Variants in MEGF11 observed in about 807,000 individuals in gnomAD.
The protein encoded by MEGF11 is multiple epidermal growth factor-like domains protein 11.
MEGF11 carries 126 observed loss-of-function variants against 146.6 expected under a neutral mutation model. The observed-to-expected ratio is 0.86, with a 90% CI of 0.74 to 1.00. MEGF11 has a LOEUF of 1.00. Among genes scored for constraint, MEGF11 ranks in the 50% least tolerant of loss-of-function variants. The pLI is 0.00. For missense variants in MEGF11, 1,509 were observed against 1,521.2 expected (o/e 0.99, Z 0.13); for synonymous variants, 532 against 583.4 (o/e 0.91, Z 1.27).
chr15:66,122,809 C>T (rs1031959029), intron 3 of MEGF11, among the ~76,000 whole-genome samples: 1 of 151,984 alleles, frequency 6.6e-6, no homozygotes, highest in Non-Finnish European at 1.5e-5. Flanking sequence ...GAGAGAGTCT[C>T]GCTCTGTCGC....
chr15:65,992,042 A>G (rs1256194461), intron 5 of MEGF11, among the ~76,000 whole-genome samples: 2 of 152,220 alleles, frequency 1.3e-5, no homozygotes, highest in African/African-American at 4.8e-5. Flanking sequence ...CTCCACTGTC[A>G]GGCTAGAGAC....
At chr15:66,219,604 T>C (rs1003417006) in intron 1 of MEGF11, among the ~76,000 whole-genome samples, 1 of 152,130 alleles carries the variant, frequency 6.6e-6, no homozygotes, top group Non-Finnish European at 1.5e-5. Flanking sequence ...ACTCATACAT[T>C]GCTGATGGGA....
rs575216818 is a variant in MEGF11, at chr15:65,904,270, A to G, written c.3055+1815T>C. Among the ~76,000 whole-genome samples the G allele has an allele frequency of 8.5e-5, 13 of 152,280 alleles. No individual in the cohort carries two copies. The South Asian group carries it at 2.5e-3, about 29-fold the overall frequency. On this transcript the variant is annotated intron_variant, in intron 24 of 25. Coordinates refer to ENST00000395614, the MANE Select transcript of MEGF11 (RefSeq NM_001385028.1). The stretch of plus-strand genomic sequence containing the variant: ...TGCCCAATCCTTATACCTTTTTGAG[A>G]AAGAAACTGAGGTGCCAGGTCATAG...
At chr15:65,944,162 G>C (rs915362324) in intron 10 of MEGF11, among the ~76,000 whole-genome samples, 4 of 152,198 alleles carry the variant, frequency 2.6e-5, no homozygotes, top group African/African-American at 9.7e-5. Context: ...GGAGGTGGCA[G>C]GGTGGGGAAT....
intron 4 of MEGF11, among the ~76,000 whole-genome samples, chr15:66,104,654 T>C (rs1280353776): frequency 6.6e-6 from 1 of 152,208 alleles, no homozygotes; most frequent in Non-Finnish European, 1.5e-5. Flanking sequence ...ACTCATTTCA[T>C]AGAAATTCAG....
intron 9 of MEGF11, 79 bp downstream of exon 9, chr15:65,964,829 G>T (rs1555456852): frequency 7.4e-7 from 1 of 1,344,926 alleles, no homozygotes; most frequent in Non-Finnish European, 1.0e-6. Flanking sequence ...TAGAGGTGGG[G>T]GGCCACATCC....
intron 1 of MEGF11, among the ~76,000 whole-genome samples, chr15:66,138,173 C>T (rs2088978156): frequency 6.6e-6 from 1 of 152,190 alleles, no homozygotes; most frequent in South Asian, 2.1e-4. Context: ...AGATTCTCCC[C>T]CTCTGCTCCT....
intron 1 of MEGF11, among the ~76,000 whole-genome samples, chr15:66,165,084 C>T (rs1305570501): frequency 1.3e-5 from 2 of 152,218 alleles, no homozygotes; most frequent in Non-Finnish European, 2.9e-5. Context: ...CAACCCCTCA[C>T]AGCACGTTAG....
intron 8 of MEGF11, among the ~76,000 whole-genome samples, chr15:65,966,077 C>A (rs772638159): frequency 5.9e-5 from 9 of 152,134 alleles, no homozygotes; most frequent in Non-Finnish European, 1.3e-4. Context: ...CTTGCTGCAA[C>A]CTCCGCCTCC....
rs192488524 is a variant in MEGF11 at position 66,196,983 on chromosome 15, G to A, written c.-9+56622C>T. ...GGATTGCTTATGGTAAATAAATATGGAAATCTACACATTTACAGAGCATGG... is the reference window on the plus strand; with the variant it reads ...GGATTGCTTATGGTAAATAAATATGAAAATCTACACATTTACAGAGCATGG... On this transcript the variant is annotated intron_variant, in intron 1 of 25. Coordinates refer to ENST00000395614, the MANE Select transcript of MEGF11 (RefSeq NM_001385028.1). Among the ~76,000 whole-genome samples the A allele has an allele frequency of 2.0e-3, 309 of 152,168 alleles. 1 individual carries two copies. The highest frequency in any genetic ancestry group is 3.2e-3 in the Non-Finnish European group (215 of 68,004).
intron 5 of MEGF11, among the ~76,000 whole-genome samples, chr15:65,996,145 G>A (rs763875118): frequency 2.6e-5 from 4 of 152,220 alleles, no homozygotes; most frequent in Admixed American, 6.5e-5. Context: ...CCTCTTTGGC[G>A]TTTAGTTTTT....
intron 5 of MEGF11, among the ~76,000 whole-genome samples, chr15:66,008,447 AC>A (rs1567199838): frequency 4.6e-5 from 7 of 151,244 alleles, no homozygotes; most frequent in African/African-American, 1.7e-4. Flanking sequence ...ACACACACAC[AC>A]ACAAAATTAC....
chr15:66,245,377 C>T (rs1474972757), intron 1 of MEGF11, among the ~76,000 whole-genome samples: 1 of 152,012 alleles, frequency 6.6e-6, no homozygotes, highest in African/African-American at 2.4e-5. Flanking sequence ...CCTGTAATCC[C>T]AGCACTTTGG....
At chr15:66,060,075 T>C (rs2084839471) in intron 5 of MEGF11, among the ~76,000 whole-genome samples, 3 of 149,936 alleles carry the variant, frequency 2.0e-5, no homozygotes, top group Admixed American at 2.0e-4. Flanking sequence ...GACAGAGGGA[T>C]GGACAGCAGA....
chr15:66,019,041 T>C (rs2083000605), intron 5 of MEGF11, among the ~76,000 whole-genome samples: 1 of 152,186 alleles, frequency 6.6e-6, no homozygotes, highest in Admixed American at 6.5e-5. Context: ...TCACCACGAC[T>C]CCAGGCCTGT....
intron 5 of MEGF11, among the ~76,000 whole-genome samples, chr15:66,080,816 T>A (rs540327682): frequency 6.6e-6 from 1 of 152,346 alleles, no homozygotes; most frequent in African/African-American, 2.4e-5. Flanking sequence ...TGTGTGGGGC[T>A]GACACAGAGC....
chr15:66,204,186 G>A (rs1173013939), intron 1 of MEGF11, among the ~76,000 whole-genome samples: 1 of 152,134 alleles, frequency 6.6e-6, no homozygotes, highest in Non-Finnish European at 1.5e-5. Context: ...CAGATCGCTT[G>A]AGCCCAGGAG....
At chr15:66,232,039 A>C (rs2091977592) in intron 1 of MEGF11, among the ~76,000 whole-genome samples, 1 of 152,180 alleles carries the variant, frequency 6.6e-6, no homozygotes, top group South Asian at 2.1e-4. Flanking sequence ...CACATTACTG[A>C]GATGATGGTG....
Position 65,917,961 on chromosome 15 carries a change from C to G in MEGF11, c.2086+5G>C. The G allele has an allele frequency of 6.2e-7, 1 of 1,613,996 alleles. No individual in the cohort carries two copies. The highest frequency in any genetic ancestry group is 8.5e-7 in the Non-Finnish European group (1 of 1,179,884). On this transcript the variant is annotated splice_donor_5th_base_variant and intron_variant, in intron 16 of 25. Coordinates refer to ENST00000395614, the MANE Select transcript of MEGF11 (RefSeq NM_001385028.1). ...TAGGGGCATTCCCAGGTGGCAGCAG[C>G]TTACCCTGTGAGCAGTCCTTGCCAA... is the stretch of plus-strand genomic sequence containing the variant.
Sources: allele counts gnomAD v4.1 joint callset (sites outside exome capture counted in the v4.1 genomes callset), GRCh38; gene constraint gnomAD v4.1.1; transcripts MANE v1.5; gene names NCBI Gene and HGNC (gene_info 2026-07-23, HGNC 2026-07-21).